DIAPH3: variants seen among roughly 807,000 people sequenced by gnomAD.
The protein encoded by DIAPH3 is diaphanous related formin 3, also known as protein diaphanous homolog 3.
DIAPH3 carries 117 observed loss-of-function variants against 144.3 expected under a neutral mutation model. The observed-to-expected ratio is 0.81, with a 90% CI of 0.70 to 0.95. The LOEUF (loss-of-function observed/expected upper bound fraction) is 0.95, where lower values mean the gene tolerates loss of function less well. Ranked by LOEUF, DIAPH3 falls within the 40% of genes least tolerant of loss-of-function variation. DIAPH3 has a pLI of 0.00. For missense variants in DIAPH3, 1,421 were observed against 1,412.7 expected (o/e 1.01, Z -0.09); for synonymous variants, 519 against 488.9 (o/e 1.06, Z -0.81).
rs2043596096 is a variant in DIAPH3 at position 59,861,628 on chromosome 13, A to G, written c.2608-92T>C. ...AATATTAATACTGTATTTTGTAGAT[A>G]AGGACTAAAAGTTGTAAAATTAGTT... is the stretch of plus-strand genomic sequence containing the variant. On this transcript the variant is annotated intron_variant, in intron 21 of 27. Transcript: ENST00000400324. 1.3e-5 allele frequency: 17 copies of G among 1,342,380 alleles called. No homozygotes were observed. In the Admixed American group the frequency reaches 3.3e-4, roughly 26 times the overall value. The allele number at this position is 1,342,380 out of a possible 1,614,324, so 83.2% of individuals were successfully genotyped here. A position where few individuals can be genotyped will look rare whatever the true frequency, so the allele number is the denominator to read the frequency against.
At chr13:59,783,627 A>G (rs2038869804) in intron 25 of DIAPH3, among the ~76,000 whole-genome samples, 1 of 152,200 alleles carries the variant, frequency 6.6e-6, no homozygotes, top group African/African-American at 2.4e-5. Flanking sequence ...ATTCAAACCA[A>G]TGGCTCCCCA....
At chr13:60,003,583 A>T (rs866174548) in intron 9 of DIAPH3, among the ~76,000 whole-genome samples, 19 of 150,786 alleles carry the variant, frequency 1.3e-4, no homozygotes, top group East Asian at 1.9e-4. Context: ...ATATATATAT[A>T]TTTTTTATGA....
At chr13:60,160,870 A>T (rs553985902) in intron 1 of DIAPH3, among the ~76,000 whole-genome samples, 267 of 152,380 alleles carry the variant, frequency 1.8e-3, no homozygotes, top group African/African-American at 6.0e-3. Context: ...TCTACTATTT[A>T]TACTTATCTA....
chr13:60,017,607 T>C (rs1485532601), intron 5 of DIAPH3, among the ~76,000 whole-genome samples: 1 of 152,182 alleles, frequency 6.6e-6, no homozygotes, highest in South Asian at 2.1e-4. Flanking sequence ...CATTTGCATA[T>C]TTCTGTAAAT....
rs187700341 is a variant in DIAPH3, at chr13:59,790,911, G to A, written c.3164-16088C>T. Among the ~76,000 whole-genome samples, 27 of 152,190 alleles carry A rather than the reference G, an allele frequency of 1.8e-4. No homozygotes were observed. In the East Asian group the frequency reaches 4.8e-3, roughly 27 times the overall value. ...TAAAAAGCTGACAAAATGAATACAC[G>A]AGCCCCACAGTAAAAGCTGATATTA... is the stretch of plus-strand genomic sequence containing the variant. On this transcript the variant is annotated intron_variant, in intron 25 of 27. Transcript: ENST00000400324.
intron 2 of DIAPH3, among the ~76,000 whole-genome samples, chr13:60,129,009 A>G (rs2059067193): frequency 6.6e-6 from 1 of 152,212 alleles, no homozygotes; most frequent in Admixed American, 6.5e-5. Flanking sequence ...CAGGCCAAAC[A>G]GTAAAGCAGG....
intron 22 of DIAPH3, among the ~76,000 whole-genome samples, chr13:59,860,139 C>G (rs767793): frequency 6.6e-6 from 1 of 152,108 alleles, no homozygotes; most frequent in East Asian, 1.9e-4. Context: ...CAATAAAGTT[C>G]TATAATCCTC....
At chr13:60,101,255 G>A (rs2058259517) in intron 3 of DIAPH3, among the ~76,000 whole-genome samples, 1 of 152,104 alleles carries the variant, frequency 6.6e-6, no homozygotes, top group African/African-American at 2.4e-5. Context: ...TTTAAACTCT[G>A]TTCTATCTCA....
chr13:60,085,718 T>G (rs1280841189), intron 4 of DIAPH3, among the ~76,000 whole-genome samples: 2 of 152,200 alleles, frequency 1.3e-5, no homozygotes, highest in African/African-American at 4.8e-5. Flanking sequence ...ATTTTCACTT[T>G]TTCCTTCAGA....
chr13:59,811,443 A>G (rs2040466825), intron 24 of DIAPH3, among the ~76,000 whole-genome samples: 1 of 152,156 alleles, frequency 6.6e-6, no homozygotes, highest in Admixed American at 6.5e-5. Flanking sequence ...AAGGTAACTA[A>G]AGAAATATTT....
intron 7 of DIAPH3, among the ~76,000 whole-genome samples, chr13:60,014,182 T>A (rs1047708781): frequency 1.3e-5 from 2 of 152,148 alleles, no homozygotes; most frequent in Admixed American, 1.3e-4. Context: ...GTTCCTAGAT[T>A]TTTTCTACTT....
intron 20 of DIAPH3, among the ~76,000 whole-genome samples, chr13:59,887,757 GA>G (rs2045544419): frequency 6.6e-6 from 1 of 151,958 alleles, no homozygotes; most frequent in African/African-American, 2.4e-5. Context: ...AGAATTTACT[GA>G]TTTTTTTTGT....
chr13:59,844,279 C>T (rs1387056427), intron 22 of DIAPH3, among the ~76,000 whole-genome samples: 1 of 151,664 alleles, frequency 6.6e-6, no homozygotes, highest in Non-Finnish European at 1.5e-5. Context: ...TAACTATATC[C>T]AGATCACGAG....
At chr13:59,851,424 C>A (rs1465996011) in intron 22 of DIAPH3, among the ~76,000 whole-genome samples, 3 of 152,150 alleles carry the variant, frequency 2.0e-5, no homozygotes, top group Non-Finnish European at 2.9e-5. Context: ...CCTTTTCTGA[C>A]CACTCAATCT....
chr13:59,696,827 C>T (rs903937715), intron 27 of DIAPH3, among the ~76,000 whole-genome samples: 3 of 152,018 alleles, frequency 2.0e-5, no homozygotes, highest in Admixed American at 6.6e-5. Flanking sequence ...AACATCTTCT[C>T]ATTTTATTAA....
intron 18 of DIAPH3, among the ~76,000 whole-genome samples, chr13:59,917,832 G>A (rs2047296596): frequency 1.5e-5 from 2 of 132,458 alleles, no homozygotes; most frequent in South Asian, 5.0e-4. Context: ...AGAGGTTGCA[G>A]TGAGCCAAGA....
At chr13:60,092,035 C>G (rs2057954277) in intron 4 of DIAPH3, among the ~76,000 whole-genome samples, 1 of 151,914 alleles carries the variant, frequency 6.6e-6, no homozygotes, top group South Asian at 2.1e-4. Flanking sequence ...GAGACAAAGT[C>G]TCACTATGTT....
intron 15 of DIAPH3, 82 bp downstream of exon 15, chr13:59,974,270 T>A (rs2050546510): frequency 9.9e-7 from 1 of 1,014,176 alleles, no homozygotes; most frequent in Non-Finnish European, 1.5e-6. Context: ...GTTTAAACAT[T>A]TTGATGCTAT....
At chr13:60,105,774 T>C (rs1002844616) in intron 3 of DIAPH3, among the ~76,000 whole-genome samples, 13 of 152,166 alleles carry the variant, frequency 8.5e-5, no homozygotes, top group Admixed American at 5.9e-4. Flanking sequence ...TATAGGAAAG[T>C]AGATTTGTAA....
Sources: allele counts gnomAD v4.1 joint callset (sites outside exome capture counted in the v4.1 genomes callset), GRCh38; gene constraint gnomAD v4.1.1; transcripts MANE v1.5; gene names NCBI Gene and HGNC (gene_info 2026-07-23, HGNC 2026-07-21).